BCR: variants seen among roughly 807,000 people sequenced by gnomAD.
The protein encoded by BCR is breakpoint cluster region protein.
BCR carries 58 observed loss-of-function variants against 138.6 expected under a neutral mutation model. The ratio of observed to expected loss-of-function variants is 0.42; its 90% confidence interval spans 0.34 to 0.52. BCR has a LOEUF of 0.52. Among genes scored for constraint, BCR ranks in the 20% least tolerant of loss-of-function variants. The probability of loss-of-function intolerance (pLI) is 0.06; values close to 1 mark genes in which losing one functional copy is unlikely to be tolerated. For missense variants in BCR, 1,599 were observed against 1,727.2 expected (o/e 0.93, Z 1.32); for synonymous variants, 786 against 730.1 (o/e 1.08, Z -1.23).
intron 14 of BCR, among the ~76,000 whole-genome samples, chr22:23,292,195 T>C (rs965181811): frequency 3.9e-5 from 6 of 152,208 alleles, no homozygotes; most frequent in African/African-American, 1.4e-4. Context: ...GTGGCATCAC[T>C]GTGTAACAAT....
chr22:23,243,391 G>C (rs6003583), intron 1 of BCR, among the ~76,000 whole-genome samples: 15,619 of 152,138 alleles, frequency 0.1, 1,956 homozygotes, highest in African/African-American at 0.3. Flanking sequence ...CTGATCATCA[G>C]TGGCCAATGA....
intron 1 of BCR, among the ~76,000 whole-genome samples, chr22:23,237,890 G>A (rs969936947): frequency 1.3e-5 from 2 of 152,246 alleles, no homozygotes. Flanking sequence ...CAGGCAAGAG[G>A]AGGTCATAAG....
chr22:23,182,687 C>T (rs1026047405), intron 1 of BCR, among the ~76,000 whole-genome samples: 6 of 152,222 alleles, frequency 3.9e-5, no homozygotes, highest in Non-Finnish European at 8.8e-5. Flanking sequence ...CCCGCCACCC[C>T]ACTGATCCTG....
At chr22:23,267,755 G>T (rs1194781286) in intron 4 of BCR, among the ~76,000 whole-genome samples, 1 of 152,230 alleles carries the variant, frequency 6.6e-6, no homozygotes, top group African/African-American at 2.4e-5. Context: ...GTGTGTGTCT[G>T]AGCTGGAGGT....
chr22:23,265,180 G>A (rs549580071), intron 4 of BCR, among the ~76,000 whole-genome samples: 10 of 152,328 alleles, frequency 6.6e-5, no homozygotes, highest in Non-Finnish European at 8.8e-5. Context: ...GAAGGTTTCC[G>A]CTGGCTGCCC....
At chr22:23,192,023 A>G (rs541340006) in intron 1 of BCR, among the ~76,000 whole-genome samples, 4 of 152,104 alleles carry the variant, frequency 2.6e-5, no homozygotes, top group African/African-American at 2.4e-5. Flanking sequence ...CAAAATGACT[A>G]TAGATGTGGA....
intron 11 of BCR, 36 bp from the exon 12 acceptor site, chr22:23,288,061 G>A (rs1020632445): frequency 2.6e-5 from 41 of 1,600,750 alleles, no homozygotes; most frequent in Admixed American, 3.3e-5. Flanking sequence ...TAGCCAGGGC[G>A]GAGATAACTG....
At chr22:23,253,476 G>C (rs187117571) in intron 1 of BCR, among the ~76,000 whole-genome samples, 2 of 152,308 alleles carry the variant, frequency 1.3e-5, no homozygotes, top group East Asian at 3.9e-4. Context: ...GAGATTCCAA[G>C]GGTTTTAGGA....
intron 4 of BCR, chr22:23,264,180 G>C (rs1454243861): frequency 7.5e-7 from 1 of 1,330,108 alleles, no homozygotes; most frequent in Admixed American, 1.7e-5. Flanking sequence ...GCTTGCCACA[G>C]GTTCCTCCTT....
chr22:23,252,427 C>CTTTTTTTTTTTTT (rs371986661), intron 1 of BCR, among the ~76,000 whole-genome samples: 14 of 119,496 alleles, frequency 1.2e-4, no homozygotes, highest in South Asian at 2.8e-4. Context: ...TTTTTCTTTT[C>CTTTTTTTTTTTTT]TTTTCTTTTT....
intron 1 of BCR, among the ~76,000 whole-genome samples, chr22:23,190,651 AGTCC>A (rs1197827121): frequency 6.6e-6 from 1 of 152,180 alleles, no homozygotes; most frequent in Non-Finnish European, 1.5e-5. Flanking sequence ...ACACTTGGTG[AGTCC>A]GTTACTGGGC....
intron 2 of BCR, chr22:23,254,580 C>T (rs895333252): frequency 1.9e-6 from 1 of 518,698 alleles, no homozygotes; most frequent in African/African-American, 1.9e-5. Flanking sequence ...CCCCCCCTCA[C>T]ATGAGAACGT....
rs2074067631 is a variant in BCR at position 23,315,951 on chromosome 22, T to C, written c.*429T>C. 5.5e-6 allele frequency: 2 copies of C among 364,954 alleles called. No individual in the cohort carries two copies. Among genetic ancestry groups the C allele is most frequent in the South Asian group, 2.8e-5 (1 of 35,318 alleles). The allele number at this position is 364,954 out of a possible 1,614,324, so 22.6% of individuals were successfully genotyped here. On this transcript the variant is annotated 3_prime_UTR_variant, in exon 23 of 23. Coordinates refer to ENST00000305877, the MANE Select transcript of BCR (RefSeq NM_004327.4). ...ATCTTGAATAAACGCTGCTGCTTCA[T>C]CCTGTGGGGGCCGTGGCCCTGTCCC...
At chr22:23,194,094 A>G (rs577970553) in intron 1 of BCR, among the ~76,000 whole-genome samples, 94 of 152,338 alleles carry the variant, frequency 6.2e-4, no homozygotes, top group South Asian at 1.4e-3. Context: ...ACCCTAGTTA[A>G]GTGGAAGCTC....
chr22:23,279,120 C>T (rs1375794593), intron 8 of BCR, among the ~76,000 whole-genome samples: 2 of 152,184 alleles, frequency 1.3e-5, no homozygotes, highest in South Asian at 2.1e-4. Flanking sequence ...CTTTTCACAC[C>T]TTCTTGGCAC....
chr22:23,191,119 C>G (rs1211670263), intron 1 of BCR, among the ~76,000 whole-genome samples: 1 of 151,906 alleles, frequency 6.6e-6, no homozygotes, highest in East Asian at 1.9e-4. Flanking sequence ...TTTGTTGAGA[C>G]AGGGTCTTGC....
intron 9 of BCR, 72 bp from the exon 10 acceptor site, chr22:23,284,961 C>T: frequency 1.3e-6 from 2 of 1,518,338 alleles, no homozygotes; most frequent in Non-Finnish European, 1.8e-6. Flanking sequence ...GGCTCTTGGG[C>T]TCTTGACAGC....
Position 23,292,617 on chromosome 22 carries a change from A to G in BCR, c.2859A>G (p.Thr953=). ...CAAAGACGCGCGTCTACAGGGACAC[A>G]GCTGAGCCAAACTGGAACGAGGTGA... ...NKAKTRVYRD[T]AEPNWNEEFE... Residue 953 remains threonine (T), a synonymous_variant, in exon 15 of 23, where the codon ACA becomes ACG. Transcript: ENST00000305877. 1 of 1,612,482 alleles carries G rather than the reference A, an allele frequency of 6.2e-7. No homozygotes were observed. Among genetic ancestry groups the G allele is most frequent in the Non-Finnish European group, 8.5e-7 (1 of 1,179,052 alleles).
rs369799702 is a variant in BCR at position 23,290,077 on chromosome 22, C to T, written c.2708-262C>T. 191 of 557,940 alleles carry T rather than the reference C, an allele frequency of 3.4e-4. 2 individuals carry two copies. Among genetic ancestry groups the T allele is most frequent in the African/African-American group, 3.1e-3 (164 of 52,898 alleles). The allele number at this position is 557,940 out of a possible 1,614,324, so 34.6% of individuals were successfully genotyped here. On this transcript the variant is annotated intron_variant, in intron 13 of 22. Transcript: ENST00000305877. ...ACCCCACCCACATCCCACATCACCC[C>T]GACCCCCTCTGCTGTCCTTGGAACC...
Sources: allele counts gnomAD v4.1 joint callset (sites outside exome capture counted in the v4.1 genomes callset), GRCh38; gene constraint gnomAD v4.1.1; transcripts MANE v1.5; gene names NCBI Gene and HGNC (gene_info 2026-07-23, HGNC 2026-07-21).